Variants in ZNF385D observed in about 807,000 individuals in gnomAD.
ZNF385D encodes the protein zinc finger protein 385D, also known as zinc finger protein 659.
ZNF385D carries 15 observed loss-of-function variants against 35.8 expected under a neutral mutation model. The ratio of observed to expected loss-of-function variants is 0.42; its 90% CI spans 0.28 to 0.64. ZNF385D has a LOEUF of 0.64. ZNF385D is among the 30% of genes least tolerant of loss of function. The pLI is 0.23. For missense variants in ZNF385D, 474 were observed against 494.6 expected (o/e 0.96, Z 0.39); for synonymous variants, 212 against 186.8 (o/e 1.13, Z -1.10).
At chr3:22,119,221 G>C (rs934262996) in intron 3 of ZNF385D, among the ~76,000 whole-genome samples, 1 of 151,996 alleles carries the variant, frequency 6.6e-6, no homozygotes, top group Non-Finnish European at 1.5e-5. Context: ...AAAATACCTT[G>C]TCAGCTACTT....
chr3:22,302,105 G>C (rs1702934144), intron 2 of ZNF385D, among the ~76,000 whole-genome samples: 1 of 151,994 alleles, frequency 6.6e-6, no homozygotes, highest in East Asian at 1.9e-4. Flanking sequence ...CACACAGCAT[G>C]AGAATATTTA....
chr3:21,883,886 C>G (rs373901622), intron 3 of ZNF385D, among the ~76,000 whole-genome samples: 1 of 151,986 alleles, frequency 6.6e-6, no homozygotes, highest in East Asian at 1.9e-4. Flanking sequence ...AGACATGCTA[C>G]GACATCTCAT....
intron 3 of ZNF385D, among the ~76,000 whole-genome samples, chr3:21,918,373 T>C (rs1245921180): frequency 6.6e-6 from 1 of 152,206 alleles, no homozygotes; most frequent in African/African-American, 2.4e-5. Context: ...AAGAAGTTAC[T>C]ATCATTGTTG....
chr3:22,319,642 G>C (rs1224316799), intron 2 of ZNF385D, among the ~76,000 whole-genome samples: 5 of 152,050 alleles, frequency 3.3e-5, no homozygotes, highest in Non-Finnish European at 4.4e-5. Flanking sequence ...GTGAATCCCT[G>C]AACACTGACT....
intron 4 of ZNF385D, chr3:21,443,421 CTGTCT>C: frequency 2.3e-6 from 2 of 865,788 alleles, no homozygotes; most frequent in South Asian, 5.3e-5. Context: ...TTTTGGGGGT[CTGTCT>C]TATAGAACCC....
intron 1 of ZNF385D, among the ~76,000 whole-genome samples, chr3:21,746,206 G>A (rs1290958810): frequency 3.3e-5 from 5 of 152,164 alleles, no homozygotes; most frequent in Non-Finnish European, 4.4e-5. Flanking sequence ...TGTCATCCAC[G>A]AAAGCGTAAC....
intron 3 of ZNF385D, among the ~76,000 whole-genome samples, chr3:21,907,727 ATTATTT>A (rs1390583601): frequency 4.6e-5 from 7 of 152,100 alleles, no homozygotes; most frequent in African/African-American, 1.7e-4. Context: ...ATTCAGTATT[ATTATTT>A]TTAAATGTTT....
In ZNF385D at chr3:21,999,761, C is replaced by G. The variant is rs538915781; in HGVS notation, c.325+169056G>C. Among the ~76,000 whole-genome samples, 14 of 107,426 alleles carry G rather than the reference C, an allele frequency of 1.3e-4. No individual in the cohort carries two copies. The South Asian group carries it at 3.8e-3, about 29-fold the overall frequency. The allele number at this position is 107,426 out of a possible 152,430, so 70.5% of individuals were successfully genotyped here. On this transcript the variant is annotated intron_variant, in intron 3 of 5. Coordinates refer to the ZNF385D transcript ENST00000494108. ...TTGAAAGTAGTTCTTGTAAAATACC[C>G]CAGTCAGGCAAAAAAAAAAAAAATA...
intron 4 of ZNF385D, among the ~76,000 whole-genome samples, chr3:21,504,314 T>C (rs1389036426): frequency 6.6e-6 from 1 of 152,146 alleles, no homozygotes; most frequent in African/African-American, 2.4e-5. Context: ...TGACCTTTAA[T>C]AAAACTTGCA....
At chr3:21,445,518 A>G (rs773783642) in intron 4 of ZNF385D, among the ~76,000 whole-genome samples, 1 of 152,218 alleles carries the variant, frequency 6.6e-6, no homozygotes, top group Non-Finnish European at 1.5e-5. Context: ...AAGCCTTGGC[A>G]TGTCTTTTTA....
At chr3:22,176,083 T>G (rs1267897110) in intron 2 of ZNF385D, among the ~76,000 whole-genome samples, 2 of 151,966 alleles carry the variant, frequency 1.3e-5, no homozygotes, top group East Asian at 3.9e-4. Flanking sequence ...GAGTGCAGTG[T>G]GAATTTAAAA....
intron 3 of ZNF385D, among the ~76,000 whole-genome samples, chr3:22,096,308 T>C (rs1701620519): frequency 6.6e-6 from 1 of 150,588 alleles, no homozygotes; most frequent in South Asian, 2.1e-4. Flanking sequence ...ATGTAAACCC[T>C]GAATCTAAAA....
intron 2 of ZNF385D, among the ~76,000 whole-genome samples, chr3:21,645,522 A>G (rs1027867977): frequency 6.6e-6 from 1 of 152,206 alleles, no homozygotes; most frequent in Non-Finnish European, 1.5e-5. Flanking sequence ...TCCACTGGCA[A>G]TCCAAATTGC....
intron 3 of ZNF385D, among the ~76,000 whole-genome samples, chr3:21,962,211 C>T (rs1487118291): frequency 2.6e-5 from 4 of 151,952 alleles, no homozygotes; most frequent in Admixed American, 1.3e-4. Flanking sequence ...TGGCTAGAAT[C>T]CTGGTGCTGG....
chr3:21,905,675 G>A (rs1280627436), intron 3 of ZNF385D, among the ~76,000 whole-genome samples: 1 of 132,184 alleles, frequency 7.6e-6, no homozygotes, highest in Non-Finnish European at 1.6e-5. Context: ...GGTTATTCAA[G>A]GATCATCTGT....
At chr3:21,734,960 G>C (rs1023514424) in intron 1 of ZNF385D, among the ~76,000 whole-genome samples, 1 of 152,148 alleles carries the variant, frequency 6.6e-6, no homozygotes, top group Non-Finnish European at 1.5e-5. Context: ...TCATGCCTTT[G>C]GGACTCGTGT....
intron 3 of ZNF385D, among the ~76,000 whole-genome samples, chr3:21,821,524 A>G (rs1477989570): frequency 6.6e-6 from 1 of 152,234 alleles, no homozygotes; most frequent in Non-Finnish European, 1.5e-5. Context: ...AATAAGAATG[A>G]TTAACTAAAC....
chr3:21,582,158 A>G (rs2063686298), intron 2 of ZNF385D, among the ~76,000 whole-genome samples: 1 of 152,200 alleles, frequency 6.6e-6, no homozygotes, highest in Non-Finnish European at 1.5e-5. Context: ...AGGTTTATTG[A>G]AATCTAATGT....
intron 3 of ZNF385D, among the ~76,000 whole-genome samples, chr3:21,986,494 A>T (rs968387417): frequency 7.8e-6 from 1 of 127,608 alleles, no homozygotes; most frequent in African/African-American, 4.0e-5. Flanking sequence ...GAGATTCTTA[A>T]TCCTGAGTTC....
Sources: gnomAD v4.1 joint callset for allele counts (sites outside exome capture counted in the v4.1 genomes callset) on GRCh38, gnomAD v4.1.1 for gene constraint, MANE v1.5 for transcripts, NCBI Gene and HGNC (gene_info 2026-07-23, HGNC 2026-07-21) for gene names.